RCAN1: variants seen among roughly 807,000 people sequenced by gnomAD.
RCAN1 encodes the protein regulator of calcineurin 1.
Under a neutral mutation model 22.9 loss-of-function variants are expected in RCAN1, and 11 were observed. The observed-to-expected ratio is 0.48, with a 90% CI of 0.30 to 0.79. RCAN1 has a LOEUF of 0.79. Ranked by LOEUF, RCAN1 falls within the 30% of genes least tolerant of loss-of-function variation. RCAN1 has a pLI of 0.06. For synonymous variants in RCAN1, 136 were observed against 142.3 expected (o/e 0.96, Z 0.32); for missense variants, 291 against 337.8 (o/e 0.86, Z 1.09).
At chr21:34,531,576 A>C (rs940057846) in intron 1 of RCAN1, among the ~76,000 whole-genome samples, 1 of 152,142 alleles carries the variant, frequency 6.6e-6, no homozygotes, top group Non-Finnish European at 1.5e-5. Context: ...GACACATAAA[A>C]ATCCCTGATG....
chr21:34,539,116 C>T (rs1252099833), intron 1 of RCAN1, among the ~76,000 whole-genome samples: 1 of 152,084 alleles, frequency 6.6e-6, no homozygotes, highest in African/African-American at 2.4e-5. Flanking sequence ...CAGTATAAAC[C>T]GCATCAACTC....
chr21:34,589,528 G>A (rs1987903386), intron 1 of RCAN1, among the ~76,000 whole-genome samples: 1 of 152,192 alleles, frequency 6.6e-6, no homozygotes, highest in Admixed American at 6.5e-5. Context: ...AATTGCGTGT[G>A]TCAAACTGGC....
rs1387131717 is a variant in RCAN1, at chr21:34,614,464, C to CT, written c.252+295dup. 2.0e-6 allele frequency: 2 copies of CT among 1,020,916 alleles called. No individual in the cohort carries two copies. Among genetic ancestry groups the CT allele is most frequent in the African/African-American group, 3.4e-5 (2 of 58,204 alleles). 63.2% of individuals were successfully genotyped at this position (1,020,916 alleles called of 1,614,324 possible). On this transcript the variant is annotated intron_variant, in intron 1 of 3. Coordinates refer to ENST00000313806, the MANE Select transcript of RCAN1 (RefSeq NM_004414.7). The surrounding 1 kb of genome is among the most constrained non-coding windows in gnomAD (Gnocchi z 6.0). ...GCAGGGGGCGGCGGCGCTGCCCCAC[C>CT]TTGGGGAGCGAATTCACCCCCCTAG...
At chr21:34,575,877 C>T (rs903235574) in intron 1 of RCAN1, among the ~76,000 whole-genome samples, 1 of 152,088 alleles carries the variant, frequency 6.6e-6, no homozygotes, top group Non-Finnish European at 1.5e-5. Flanking sequence ...TCAGGACAGC[C>T]CTGAGGTAGG....
chr21:34,605,633 A>G (rs9305553), intron 1 of RCAN1, among the ~76,000 whole-genome samples: 111,955 of 152,106 alleles, frequency 0.74, 41,537 homozygotes, highest in East Asian at 0.96. Flanking sequence ...TTAAGATGAT[A>G]AGCAGCAGCC....
chr21:34,595,510 A>G (rs1015208819), intron 1 of RCAN1, among the ~76,000 whole-genome samples: 1 of 152,202 alleles, frequency 6.6e-6, no homozygotes, highest in Non-Finnish European at 1.5e-5. Context: ...GTACAGACCC[A>G]TCTATTCATC....
chr21:34,582,411 G>A (rs983070293), intron 1 of RCAN1, among the ~76,000 whole-genome samples: 10 of 152,102 alleles, frequency 6.6e-5, no homozygotes, highest in Admixed American at 2.6e-4. Flanking sequence ...CTAGGGGCTC[G>A]GGAAGACATT....
Position 34,523,552 on chromosome 21 carries a change from C to T in RCAN1, c.411G>A (p.Lys137=), listed in dbSNP as rs748369550. The change falls in exon 2 of 4, where the codon AAG becomes AAA. Residue 137 remains lysine (K), a synonymous_variant. Coordinates refer to ENST00000313806, the MANE Select transcript of RCAN1 (RefSeq NM_004414.7). ...CCCAACTCACCTGAGCAAAATATAACTTCATTTCCTTTCCCAGAAACTCAG... is the reference window on the plus strand; with the variant it reads ...CCCAACTCACCTGAGCAAAATATAATTTCATTTCCTTTCCCAGAAACTCAG... ...HKTEFLGKEM[K]LYFAQTLHIG... is the part of the protein sequence containing the mutation. 1 of 1,613,958 alleles carries T rather than the reference C, an allele frequency of 6.2e-7. No individual in the cohort carries two copies. Among genetic ancestry groups the T allele is most frequent in the Non-Finnish European group, 8.5e-7 (1 of 1,179,968 alleles).
intron 1 of RCAN1, among the ~76,000 whole-genome samples, chr21:34,596,399 T>C (rs1204261985): frequency 6.6e-6 from 1 of 152,116 alleles, no homozygotes; most frequent in African/African-American, 2.4e-5. Flanking sequence ...GGGAACCCCC[T>C]CACTGGGGAA....
At chr21:34,601,064 A>C (rs1988322357) in intron 1 of RCAN1, among the ~76,000 whole-genome samples, 1 of 152,210 alleles carries the variant, frequency 6.6e-6, no homozygotes, top group Admixed American at 6.5e-5. Flanking sequence ...TGGGAAAATA[A>C]AGCTTATTAT....
In RCAN1 at chr21:34,541,642, T is replaced by A. The variant is rs549361185; in HGVS notation, c.253-17932A>T. On this transcript the variant is annotated intron_variant, in intron 1 of 3. Coordinates refer to ENST00000313806, the MANE Select transcript of RCAN1 (RefSeq NM_004414.7). Reference sequence around the variant, plus strand: ...TTGCATATTTCATTTTAAAAATAAATGCTATTCACGGGGCGGGAGCGATGG... The same window carrying A: ...TTGCATATTTCATTTTAAAAATAAAAGCTATTCACGGGGCGGGAGCGATGG... 5.9e-5 allele frequency among the ~76,000 whole-genome samples: 9 copies of A among 152,356 alleles called. No individual in the cohort carries two copies. The East Asian group carries it at 1.7e-3, about 29-fold the overall frequency.
chr21:34,537,413 A>G (rs778896809), intron 1 of RCAN1, among the ~76,000 whole-genome samples: 54 of 152,342 alleles, frequency 3.5e-4, no homozygotes, highest in Middle Eastern at 3.4e-3. Flanking sequence ...ATATTGAAAA[A>G]TTGGGAGGTG....
At chr21:34,544,393 G>A (rs528741013) in intron 1 of RCAN1, among the ~76,000 whole-genome samples, 100 of 152,288 alleles carry the variant, frequency 6.6e-4, no homozygotes, top group Non-Finnish European at 8.7e-4. Context: ...GAGTGGCCAC[G>A]GGGATCTGAA....
intron 1 of RCAN1, among the ~76,000 whole-genome samples, chr21:34,552,594 C>T (rs1050119996): frequency 3.9e-5 from 6 of 151,982 alleles, no homozygotes; most frequent in African/African-American, 1.2e-4. Flanking sequence ...ATGGAAATGA[C>T]ATCAATATTC....
chr21:34,575,820 G>T (rs1416456686), intron 1 of RCAN1, among the ~76,000 whole-genome samples: 4 of 152,162 alleles, frequency 2.6e-5, no homozygotes, highest in Non-Finnish European at 5.9e-5. Flanking sequence ...ACGAGACAGC[G>T]GTGTGTTAAG....
At chr21:34,533,127 A>T (rs1187699567) in intron 1 of RCAN1, among the ~76,000 whole-genome samples, 1 of 151,394 alleles carries the variant, frequency 6.6e-6, no homozygotes. Context: ...CGCCCGGCTA[A>T]TTTTTTGTAT....
At chr21:34,588,541 G>A (rs191795929) in intron 1 of RCAN1, among the ~76,000 whole-genome samples, 5 of 152,306 alleles carry the variant, frequency 3.3e-5, no homozygotes, top group African/African-American at 7.2e-5. Context: ...ACAAGAGTTG[G>A]CAAGGAGGTA....
At chr21:34,549,884 A>G (rs1986300788) in intron 1 of RCAN1, among the ~76,000 whole-genome samples, 1 of 152,180 alleles carries the variant, frequency 6.6e-6, no homozygotes, top group South Asian at 2.1e-4. Context: ...TGACCATGCC[A>G]CCCAGACAGA....
At chr21:34,539,839 A>G (rs1985840874) in intron 1 of RCAN1, among the ~76,000 whole-genome samples, 1 of 152,238 alleles carries the variant, frequency 6.6e-6, no homozygotes, top group Non-Finnish European at 1.5e-5. Flanking sequence ...ATTTCACCAG[A>G]AAATACTGAT....
Sources: gnomAD v4.1 joint callset for allele counts (sites outside exome capture counted in the v4.1 genomes callset) on GRCh38, gnomAD v4.1.1 for gene constraint, Gnocchi (gnomAD v3.1) non-coding constraint, MANE v1.5 for transcripts, NCBI Gene and HGNC (gene_info 2026-07-23, HGNC 2026-07-21) for gene names.